TMEM54: variants seen among roughly 807,000 people sequenced by gnomAD.
The protein encoded by TMEM54 is beta-casein-like protein.
In TMEM54, 21 loss-of-function variants were observed where a neutral mutation model predicts 21.3. The ratio of observed to expected loss-of-function variants is 0.99; its 90% confidence interval spans 0.70 to 1.42. The LOEUF is 1.42. Among genes scored for constraint, TMEM54 ranks in the 40% most tolerant of loss-of-function variants. The pLI, the probability that TMEM54 is intolerant of heterozygous loss-of-function variation, is 0.00. For missense variants in TMEM54, 246 were observed against 294.0 expected (o/e 0.84, Z 1.19); for synonymous variants, 109 against 125.0 (o/e 0.87, Z 0.86).
Position 32,895,443 on chromosome 1 carries a change from CGG to C in TMEM54, c.460-6_460-5del, listed in dbSNP as rs1641566224. 1 of 1,608,788 alleles carries C rather than the reference CGG, an allele frequency of 6.2e-7. No homozygotes were observed. The highest frequency in any genetic ancestry group is 8.5e-7 in the Non-Finnish European group (1 of 1,176,408). On this transcript the variant is annotated splice_region_variant and splice_polypyrimidine_tract_variant and intron_variant, in intron 4 of 5. Transcript: ENST00000373463. This position sits in a 1 kb window ranked among gnomAD's most constrained non-coding sequence, Gnocchi z 5.8. The stretch of plus-strand genomic sequence containing the variant: ...CCCAGAGGCACAGGCTGGAGCTCTG[CGG>C]GGCATGGGGCAGAGATGGCTGGCTG...
At chr1:32,899,175 C>G (rs1353472804) in intron 1 of TMEM54, among the ~76,000 whole-genome samples, 1 of 152,154 alleles carries the variant, frequency 6.6e-6, no homozygotes, top group African/African-American at 2.4e-5. Flanking sequence ...AGTCCTAGCT[C>G]TGCCTTCAAG....
chr1:32,896,993 A>G lies in TMEM54; in HGVS notation c.211-1024T>C, dbSNP rs1641615531. 2.0e-5 allele frequency among the ~76,000 whole-genome samples: 3 copies of G among 152,202 alleles called. No individual in the cohort carries two copies. The South Asian group carries it at 6.2e-4, about 31-fold the overall frequency. Reference sequence around the variant, plus strand: ...TTTCCTCTTTTGTGAAACAGGTATAATAATGGCCCCCAGTTGCTGGGAGAA... The same window carrying G: ...TTTCCTCTTTTGTGAAACAGGTATAGTAATGGCCCCCAGTTGCTGGGAGAA... On this transcript the variant is annotated intron_variant, in intron 2 of 5. Coordinates refer to ENST00000373463, the MANE Select transcript of TMEM54 (RefSeq NM_033504.4). The surrounding 1 kb of genome is among the most constrained non-coding windows in gnomAD (Gnocchi z 4.1).
chr1:32,897,154 T>C lies in TMEM54; in HGVS notation c.210+972A>G, dbSNP rs1272674619. Reference sequence around the variant, plus strand: ...AGTATTAGAGGAACTCCAAGGACCCTGCACACATCCGCCCATCCCAGCCCT... The same window carrying C: ...AGTATTAGAGGAACTCCAAGGACCCCGCACACATCCGCCCATCCCAGCCCT... On this transcript the variant is annotated intron_variant, in intron 2 of 5. Coordinates refer to ENST00000373463, the MANE Select transcript of TMEM54 (RefSeq NM_033504.4). The surrounding 1 kb of genome is among the most constrained non-coding windows in gnomAD (Gnocchi z 4.9). Among the ~76,000 whole-genome samples, 1 of 152,204 alleles carries C rather than the reference T, an allele frequency of 6.6e-6. No homozygotes were observed. The highest frequency in any genetic ancestry group is 2.4e-5 in the African/African-American group (1 of 41,446).
chr1:32,898,446 G>GT, intron 1 of TMEM54, 127 bp from the exon 2 acceptor site: 1 of 908,808 alleles, frequency 1.1e-6, no homozygotes, highest in South Asian at 2.1e-5. Context: ...CTTGGAGCCA[G>GT]TAACTTGTCT....
At chr1:32,894,908 C>A (rs1227963551) in intron 5 of TMEM54, 29 bp from the exon 6 acceptor site, 2 of 1,600,450 alleles carry the variant, frequency 1.2e-6, no homozygotes, top group Admixed American at 1.7e-5. Context: ...CTGCCAGACC[C>A]ACTGGTTCTC....
intron 1 of TMEM54, among the ~76,000 whole-genome samples, chr1:32,899,061 C>T (rs1037993723): frequency 1.1e-4 from 17 of 152,120 alleles, no homozygotes; most frequent in Non-Finnish European, 2.2e-4. Flanking sequence ...AAGCTGGGAT[C>T]AAAAGAACAC....
At chr1:32,898,413 G>C (rs1349857419) in intron 1 of TMEM54, 94 bp from the exon 2 acceptor site, 1 of 1,201,608 alleles carries the variant, frequency 8.3e-7, no homozygotes, top group African/African-American at 1.5e-5. Context: ...TGGACATTGG[G>C]TTCTAAATGT....
rs1387341363 is a variant in TMEM54 at position 32,895,587 on chromosome 1, G to A, written c.427C>T (p.Pro143Ser). The change falls in exon 4 of 6, where the codon CCT becomes TCT. Residue 143 changes from proline (P) to serine (S), a missense_variant. By Grantham distance (74) the Pro-to-Ser change is moderately conservative (BLOSUM62 -1). Transcript: ENST00000373463. The surrounding 1 kb of genome is among the most constrained non-coding windows in gnomAD (Gnocchi z 5.8). Reference protein sequence around the residue: ...FGSSELLALAPDCPFDPTRIY... With the variant: ...FGSSELLALASDCPFDPTRIY... Reference sequence around the variant, plus strand: ...CGTGTGGGGTCGAAGGGACAGTCAGGTGCGAGGGCCAGTAGTTCAGAGCTC... The same window carrying A: ...CGTGTGGGGTCGAAGGGACAGTCAGATGCGAGGGCCAGTAGTTCAGAGCTC... 8.8e-6 allele frequency: 14 copies of A among 1,586,560 alleles called. No individual in the cohort carries two copies. The highest frequency in any genetic ancestry group is 1.3e-5 in the African/African-American group (1 of 74,692).
At chr1:32,900,155 C>G (rs1242470160) in intron 1 of TMEM54, among the ~76,000 whole-genome samples, 1 of 152,142 alleles carries the variant, frequency 6.6e-6, no homozygotes. Flanking sequence ...CATCCCAGGA[C>G]CAAGACTTTG....
At chr1:32,894,996 C>A in intron 5 of TMEM54, 117 bp from the exon 6 acceptor site, 1 of 1,489,100 alleles carries the variant, frequency 6.7e-7, no homozygotes, top group Non-Finnish European at 9.0e-7. Context: ...GGCAAAGGGG[C>A]ATCACTACCC....
rs769942306 is a variant in TMEM54 at position 32,895,453 on chromosome 1, G to A, written c.460-14C>T. The A allele has an allele frequency of 8.1e-6, 13 of 1,606,242 alleles. No homozygotes were observed. Among genetic ancestry groups the A allele is most frequent in the Non-Finnish European group, 1.0e-5 (12 of 1,174,284 alleles). On this transcript the variant is annotated splice_polypyrimidine_tract_variant and intron_variant, in intron 4 of 5. Transcript: ENST00000373463. This position sits in a 1 kb window ranked among gnomAD's most constrained non-coding sequence, Gnocchi z 5.8. ...CAGGCTGGAGCTCTGCGGGGCATGG[G>A]GCAGAGATGGCTGGCTGGAGTTGGG...
In TMEM54 at chr1:32,901,073, G is replaced by A. The variant is rs1396808113; in HGVS notation, c.16+150C>T. 1 of 767,186 alleles carries A rather than the reference G, an allele frequency of 1.3e-6. No homozygotes were observed. The highest frequency in any genetic ancestry group is 1.8e-6 in the Non-Finnish European group (1 of 555,428). 47.5% of individuals were successfully genotyped at this position (767,186 alleles called of 1,614,324 possible). A position where few individuals can be genotyped will look rare whatever the true frequency, so the allele number is the denominator to read the frequency against. ...ACTGCTGGGGAAACTGAGGCCCAGA[G>A]AGGAAAGTGACCCGACCCCGGCCTC... is the stretch of plus-strand genomic sequence containing the variant. On this transcript the variant is annotated intron_variant, in intron 1 of 5. Transcript: ENST00000373463. The surrounding 1 kb of genome is among the most constrained non-coding windows in gnomAD (Gnocchi z 4.2).
chr1:32,896,086 C>T lies in TMEM54; in HGVS notation c.211-117G>A. On this transcript the variant is annotated intron_variant, in intron 2 of 5. Coordinates refer to ENST00000373463, the MANE Select transcript of TMEM54 (RefSeq NM_033504.4). The surrounding 1 kb of genome is among the most constrained non-coding windows in gnomAD (Gnocchi z 4.1). ...CGCCAACCATTGCCCTCCAGACTCC[C>T]CCACCCCTCACCTGCTGCTTAGCCT... 3 of 1,104,192 alleles carry T rather than the reference C, an allele frequency of 2.7e-6. No homozygotes were observed. The highest frequency in any genetic ancestry group is 1.6e-5 in the South Asian group (1 of 62,692). 68.4% of individuals were successfully genotyped at this position (1,104,192 alleles called of 1,614,324 possible).
intron 1 of TMEM54, among the ~76,000 whole-genome samples, chr1:32,900,570 C>T (rs1430475514): frequency 6.6e-6 from 1 of 152,148 alleles, no homozygotes; most frequent in African/African-American, 2.4e-5. Context: ...AGGTGCTAAG[C>T]GCTTTACTCT....
rs1274455898 is a variant in TMEM54, at chr1:32,895,821, C to T, written c.271-78G>A. The T allele has an allele frequency of 9.0e-6, 14 of 1,558,770 alleles. No homozygotes were observed. Among genetic ancestry groups the T allele is most frequent in the Middle Eastern group, 1.8e-4 (1 of 5,412 alleles). ...AGCTCTGGCCTCCCTGAGGGTCAGC[C>T]TTACCCTCTCCAAGGAGGCCAGGCC... On this transcript the variant is annotated intron_variant, in intron 3 of 5. Transcript: ENST00000373463. The surrounding 1 kb of genome is among the most constrained non-coding windows in gnomAD (Gnocchi z 5.8).
rs770737896 is a variant in TMEM54 at position 32,895,910 on chromosome 1, C to G, written c.270G>C (p.Leu90=). Residue 90 remains leucine, a splice_region_variant and synonymous_variant, in exon 3 of 6, where the codon CTG becomes CTC. Coordinates refer to ENST00000373463, the MANE Select transcript of TMEM54 (RefSeq NM_033504.4). This position sits in a 1 kb window ranked among gnomAD's most constrained non-coding sequence, Gnocchi z 5.8. ...VLSRYLPSTP[L]RWTVFSSSVA... is the part of the protein sequence containing the mutation. The stretch of plus-strand genomic sequence containing the variant: ...CCCCATCCCAGGAGGCACCACGTAC[C>G]AGGGGGGTGCTAGGGAGGTAGCGTG... 74 of 1,612,708 alleles carry G rather than the reference C, an allele frequency of 4.6e-5. No homozygotes were observed. The highest frequency in any genetic ancestry group is 6.3e-5 in the Non-Finnish European group (74 of 1,179,358).
intron 5 of TMEM54, 73 bp from the exon 6 acceptor site, chr1:32,894,952 A>G: frequency 3.2e-6 from 5 of 1,574,382 alleles, no homozygotes; most frequent in Non-Finnish European, 4.3e-6. Context: ...CATCCGGGAA[A>G]TGGAAGGAGG....
At position 32,898,326 on chromosome 1, in the gene TMEM54, G is replaced by C. The variant is rs1456183666; in HGVS notation, c.17-7C>G. 6.3e-7 allele frequency: 1 copy of C among 1,594,504 alleles called. No homozygotes were observed. Among genetic ancestry groups the C allele is most frequent in the Non-Finnish European group, 8.6e-7 (1 of 1,164,028 alleles). On this transcript the variant is annotated splice_region_variant and splice_polypyrimidine_tract_variant and intron_variant, in intron 1 of 5. Coordinates refer to ENST00000373463, the MANE Select transcript of TMEM54 (RefSeq NM_033504.4). ...TCGCCCACACTCAGGCCTCCTGTGG[G>C]GGACAGCTATGTCAGGGCTGTGCGT...
At position 32,897,300 on chromosome 1, in the gene TMEM54, A is replaced by T. The variant is rs1242541724; in HGVS notation, c.210+826T>A. On this transcript the variant is annotated intron_variant, in intron 2 of 5. Transcript: ENST00000373463. This position sits in a 1 kb window ranked among gnomAD's most constrained non-coding sequence, Gnocchi z 4.9. ...GGGAGGAACAGGCCTAGAGAGAGAA[A>T]TAAGTCCCTCAGCCAGGAGAAGGCA... is the stretch of plus-strand genomic sequence containing the variant. Among the ~76,000 whole-genome samples the T allele has an allele frequency of 6.6e-6, 1 of 152,214 alleles. No homozygotes were observed. Among genetic ancestry groups the T allele is most frequent in the Non-Finnish European group, 1.5e-5 (1 of 68,036 alleles).
Sources: allele counts gnomAD v4.1 joint callset (sites outside exome capture counted in the v4.1 genomes callset), GRCh38; gene constraint gnomAD v4.1.1; non-coding constraint Gnocchi (gnomAD v3.1); transcripts MANE v1.5; gene names NCBI Gene and HGNC (gene_info 2026-07-23, HGNC 2026-07-21).